PACSIN1: variants seen among roughly 807,000 people sequenced by gnomAD.
PACSIN1 encodes protein kinase C and casein kinase substrate in neurons protein 1.
PACSIN1 carries 15 observed loss-of-function variants against 59.5 expected under a neutral mutation model. That is an observed-to-expected ratio of 0.25 (90% CI 0.17 to 0.39). The LOEUF is 0.39. Ranked by LOEUF, PACSIN1 falls within the 10% of genes least tolerant of loss-of-function variation. The pLI is 1.00. For missense variants in PACSIN1, 420 were observed against 580.2 expected, an observed-to-expected ratio of 0.72 and a Z score of 2.84; for synonymous variants, 210 against 220.6, an observed-to-expected ratio of 0.95 and a Z score of 0.42.
rs745337040 is a variant in PACSIN1 at position 34,533,260 on chromosome 6, T to C, written c.*730T>C. 6.6e-6 allele frequency: 1 copy of C among 152,214 alleles called. No individual in the cohort carries two copies. Among genetic ancestry groups the C allele is most frequent in the African/African-American group, 2.4e-5 (1 of 41,424 alleles). 9.4% of individuals were successfully genotyped at this position (152,214 alleles called of 1,614,324 possible). The stretch of plus-strand genomic sequence containing the variant: ...GCCAGCCCTCCCAGCCCCAGGCCCA[T>C]CTGAGGGACCAAGACGCTGTTACGC... On this transcript the variant is annotated 3_prime_UTR_variant, in exon 10 of 10. Coordinates refer to ENST00000244458, the MANE Select transcript of PACSIN1 (RefSeq NM_020804.5).
chr6:34,467,693 G>T (rs772392155), intron 1 of PACSIN1, among the ~76,000 whole-genome samples: 6 of 151,826 alleles, frequency 4.0e-5, no homozygotes, highest in Non-Finnish European at 5.9e-5. Context: ...TGAGTAGCTG[G>T]AATTACAGGC....
intron 1 of PACSIN1, among the ~76,000 whole-genome samples, chr6:34,483,989 A>G (rs1406609957): frequency 6.6e-6 from 1 of 151,954 alleles, no homozygotes; most frequent in African/African-American, 2.4e-5. Context: ...GAGAGAGGGG[A>G]CTTGTCCTCC....
intron 1 of PACSIN1, among the ~76,000 whole-genome samples, chr6:34,482,976 T>C (rs2395566): frequency 1 from 149,088 of 149,674 alleles, 74,254 homozygotes; most frequent in Middle Eastern, 1. Flanking sequence ...TGTTAGCCAC[T>C]GCGCCCAGCC....
chr6:34,532,399 C>G lies in PACSIN1; in HGVS notation c.1226-22C>G. On this transcript the variant is annotated intron_variant, in intron 9 of 9. Coordinates refer to ENST00000244458, the MANE Select transcript of PACSIN1 (RefSeq NM_020804.5). The surrounding 1 kb of genome is among the most constrained non-coding windows in gnomAD (Gnocchi z 5.2). ...GAGGGGCAGCCTTCTCTCTGAGCCC[C>G]TCCCTGTGTTCTCTTTCCCAGGAGA... 1 of 1,515,030 alleles carries G rather than the reference C, an allele frequency of 6.6e-7. No individual in the cohort carries two copies. The allele number at this position is 1,515,030 out of a possible 1,614,324, so 93.8% of individuals were successfully genotyped here. A position where few individuals can be genotyped will look rare whatever the true frequency, so the allele number is the denominator to read the frequency against.
At chr6:34,477,117 G>A (rs1394751253) in intron 1 of PACSIN1, among the ~76,000 whole-genome samples, 1 of 152,134 alleles carries the variant, frequency 6.6e-6, no homozygotes, top group Non-Finnish European at 1.5e-5. Context: ...TTCCTCCAGG[G>A]GCTGCACTGA....
In PACSIN1 at chr6:34,518,062, G is replaced by T. The variant is rs957659444; in HGVS notation, c.-63-8181G>T. 6.6e-6 allele frequency among the ~76,000 whole-genome samples: 1 copy of T among 152,214 alleles called. No individual in the cohort carries two copies. The highest frequency in any genetic ancestry group is 1.5e-5 in the Non-Finnish European group (1 of 68,038). ...TGCCTCAGGGACATTGGGTTGGACA[G>T]GACACTGGGCCTGCACTGGGTCCAC... On this transcript the variant is annotated intron_variant, in intron 1 of 9. Transcript: ENST00000244458. The surrounding 1 kb of genome is among the most constrained non-coding windows in gnomAD (Gnocchi z 4.4).
At chr6:34,483,823 AT>A (rs535170236) in intron 1 of PACSIN1, among the ~76,000 whole-genome samples, 320 of 151,620 alleles carry the variant, frequency 2.1e-3, no homozygotes, top group African/African-American at 7.2e-3. Flanking sequence ...CTAATTTTGT[AT>A]TTTTAGTAGA....
At chr6:34,479,646 G>A (rs918353848) in intron 1 of PACSIN1, among the ~76,000 whole-genome samples, 10 of 151,676 alleles carry the variant, frequency 6.6e-5, no homozygotes, top group African/African-American at 1.7e-4. Context: ...TAGAGAGATG[G>A]GGATTCCCTC....
intron 1 of PACSIN1, among the ~76,000 whole-genome samples, chr6:34,511,263 C>T (rs897781462): frequency 2.0e-5 from 3 of 152,158 alleles, no homozygotes; most frequent in Admixed American, 6.5e-5. Flanking sequence ...CAGTATGGGG[C>T]GAGCCCCTTA....
At position 34,525,679 on chromosome 6, in the gene PACSIN1, A is replaced by C. The variant is rs116325800; in HGVS notation, c.-63-564A>C. Reference sequence around the variant, plus strand: ...GGGGGAAGGGAGGAGGGGAGTACCCACCTCGGCCCTGGGGCAGCGCACGGC... The same window carrying C: ...GGGGGAAGGGAGGAGGGGAGTACCCCCCTCGGCCCTGGGGCAGCGCACGGC... On this transcript the variant is annotated intron_variant, in intron 1 of 9. Coordinates refer to ENST00000244458, the MANE Select transcript of PACSIN1 (RefSeq NM_020804.5). The surrounding 1 kb of genome is among the most constrained non-coding windows in gnomAD (Gnocchi z 4.9). Among the ~76,000 whole-genome samples, 7,733 of 151,948 alleles carry C rather than the reference A, an allele frequency of 0.051. 367 individuals are homozygous for C. Among genetic ancestry groups the C allele is most frequent in the African/African-American group, 0.11 (4,675 of 41,416 alleles).
chr6:34,474,617 C>A (rs1429118784), intron 1 of PACSIN1, among the ~76,000 whole-genome samples: 1 of 151,822 alleles, frequency 6.6e-6, no homozygotes, highest in African/African-American at 2.4e-5. Flanking sequence ...TGGTGAAACC[C>A]CATCTGTACT....
At chr6:34,528,907 T>TGTGGGGGGGGGG in intron 4 of PACSIN1, 30 bp downstream of exon 4, 1 of 250,436 alleles carries the variant, frequency 4.0e-6, no homozygotes, top group Non-Finnish European at 7.9e-6. Context: ...ACGGGCGGGG[T>TGTGGGGGGGGGG]GGGGTGGGCC....
intron 1 of PACSIN1, among the ~76,000 whole-genome samples, chr6:34,484,009 C>G (rs1004973799): frequency 6.6e-5 from 10 of 152,100 alleles, no homozygotes; most frequent in Admixed American, 2.0e-4. Context: ...CTAGTATGAG[C>G]TCCTGTGGCA....
chr6:34,492,165 C>A (rs1305772781), intron 1 of PACSIN1, among the ~76,000 whole-genome samples: 2 of 148,996 alleles, frequency 1.3e-5, no homozygotes, highest in African/African-American at 4.9e-5. Flanking sequence ...CTTTTGTCTG[C>A]AGCCTTGCCT....
intron 1 of PACSIN1, among the ~76,000 whole-genome samples, chr6:34,480,018 G>C (rs1382672807): frequency 6.6e-6 from 1 of 151,466 alleles, no homozygotes; most frequent in Non-Finnish European, 1.5e-5. Context: ...TGGAGACGGG[G>C]TTTCACCGTG....
chr6:34,497,282 A>C (rs1422434991), intron 1 of PACSIN1, among the ~76,000 whole-genome samples: 1 of 152,104 alleles, frequency 6.6e-6, no homozygotes, highest in Non-Finnish European at 1.5e-5. Context: ...TTGAGATTAA[A>C]GGAGATAATG....
At chr6:34,486,150 G>C (rs1766790539) in intron 1 of PACSIN1, among the ~76,000 whole-genome samples, 1 of 152,090 alleles carries the variant, frequency 6.6e-6, no homozygotes, top group African/African-American at 2.4e-5. Context: ...GCCCAGACTA[G>C]GGGGTGAGGG....
At chr6:34,485,427 T>G (rs1256156623) in intron 1 of PACSIN1, among the ~76,000 whole-genome samples, 2 of 151,392 alleles carry the variant, frequency 1.3e-5, no homozygotes, top group Non-Finnish European at 2.9e-5. Flanking sequence ...GGCCGACAGG[T>G]GAGAGGTGGC....
rs767708496 is a variant in PACSIN1 at position 34,527,481 on chromosome 6, C to G, written c.213C>G (p.Ile71Met). 3.8e-6 allele frequency: 6 copies of G among 1,590,602 alleles called. No individual in the cohort carries two copies. The highest frequency in any genetic ancestry group is 5.1e-6 in the Non-Finnish European group (6 of 1,170,462). ...TDWAKRWRQL[I>M]EKGPQYGSLE... is the part of the protein sequence containing the mutation. ...GGGCCAAGCGTTGGCGCCAGCTCATCGAGAAAGGTGCTCCCCCAGGCTCAC... is the reference window on the plus strand; with the variant it reads ...GGGCCAAGCGTTGGCGCCAGCTCATGGAGAAAGGTGCTCCCCCAGGCTCAC... Residue 71 changes from isoleucine to methionine, a missense_variant, in exon 3 of 10, where the codon ATC becomes ATG. Transcript: ENST00000244458.
Sources: allele counts gnomAD v4.1 joint callset (sites outside exome capture counted in the v4.1 genomes callset), GRCh38; gene constraint gnomAD v4.1.1; non-coding constraint Gnocchi (gnomAD v3.1); transcripts MANE v1.5; gene names NCBI Gene and HGNC (gene_info 2026-07-23, HGNC 2026-07-21).